The following NR3C1 variants were observed in gnomAD, a reference collection of about 807,000 sequenced individuals.
NR3C1 encodes the protein nuclear receptor subfamily 3 group C member 1.
Under a neutral mutation model 74.0 loss-of-function variants are expected in NR3C1, and 14 were observed. The observed-to-expected ratio is 0.19, with a 90% CI of 0.12 to 0.30. The LOEUF (loss-of-function observed/expected upper bound fraction) is 0.30, where lower values mean the gene tolerates loss of function less well. Among genes scored for constraint, NR3C1 ranks in the 10% least tolerant of loss-of-function variants. The probability of loss-of-function intolerance (pLI) is 1.00; values close to 1 mark genes in which losing one functional copy is unlikely to be tolerated. For synonymous variants in NR3C1, 308 were observed against 332.5 expected, an observed-to-expected ratio of 0.93 and a Z score of 0.80; for missense variants, 695 against 909.8, an observed-to-expected ratio of 0.76 and a Z score of 3.04.
In NR3C1 at chr5:143,403,637, C is replaced by G; in HGVS notation, c.-440G>C. On this transcript the variant is annotated 5_prime_UTR_variant, in exon 1 of 9. Coordinates refer to ENST00000394464, the MANE Select transcript of NR3C1 (RefSeq NM_000176.3). The stretch of plus-strand genomic sequence containing the variant: ...AGAGCGCGGACACGCGAAAGGGCAG[C>G]CCGGCCTGGGCGAGCGAGCGGGACC... 1.0e-6 allele frequency: 1 copy of G among 986,084 alleles called. No individual in the cohort carries two copies. The highest frequency in any genetic ancestry group is 4.7e-5 in the South Asian group (1 of 21,296). 61.1% of individuals were successfully genotyped at this position (986,084 alleles called of 1,614,324 possible). A position where few individuals can be genotyped will look rare whatever the true frequency, so the allele number is the denominator to read the frequency against.
In NR3C1 at chr5:143,301,161, GA is replaced by G. The variant is rs1018914832; in HGVS notation, c.1469-399del. On this transcript the variant is annotated intron_variant, in intron 4 of 8. Coordinates refer to ENST00000394464, the MANE Select transcript of NR3C1 (RefSeq NM_000176.3). ...AGGCAAATTACTCTTACTATAAACT[GA>G]AAAAAAAATCTAAGCTTGGAGTAAC... 4.4e-3 allele frequency among the ~76,000 whole-genome samples: 651 copies of G among 149,642 alleles called. 2 individuals are homozygous for G. The highest frequency in any genetic ancestry group is 0.015 in the African/African-American group (621 of 40,908).
rs1460949856 is a variant in NR3C1 at position 143,314,077 on chromosome 5, C to G, written c.1276G>C (p.Asp426His). 1 of 1,613,798 alleles carries G rather than the reference C, an allele frequency of 6.2e-7. No homozygotes were observed. Among genetic ancestry groups the G allele is most frequent in the South Asian group, 1.1e-5 (1 of 91,070 alleles). ...CCATAATGACATCCTGAAGCTTCAT[C>G]AGAGCACACCAGGCAGAGTTTGGGA... ...PPPKLCLVCS[D>H]EASGCHYGVL... Residue 426 changes from aspartate to histidine, a missense_variant, in exon 3 of 9, where the codon GAT becomes CAT. By Grantham distance (81) the Asp-to-His change is moderately conservative. Around this residue, in one of 4 missense-constraint regions of NR3C1, gnomAD observed 23 missense variants for 83.1 expected, o/e 0.28. Transcript: ENST00000394464.
intron 2 of NR3C1, among the ~76,000 whole-genome samples, chr5:143,398,356 G>GTTTTTTTT (rs35241746): frequency 1.2e-3 from 106 of 85,326 alleles, no homozygotes; most frequent in African/African-American, 3.6e-3. Context: ...AGGTTTTTTG[G>GTTTTTTTT]TTTTTTTTTT....
rs1203073164 is a variant in NR3C1, at chr5:143,360,664, T to C, written c.1184+38992A>G. Among the ~76,000 whole-genome samples, 3 of 152,192 alleles carry C rather than the reference T, an allele frequency of 2.0e-5. No homozygotes were observed. The East Asian group carries it at 5.8e-4, about 29-fold the overall frequency. On this transcript the variant is annotated intron_variant, in intron 2 of 8. Coordinates refer to ENST00000394464, the MANE Select transcript of NR3C1 (RefSeq NM_000176.3). ...AATACAGGTCTTTAAACACCTAACC[T>C]TGATGCCACAAATAGTACTAGGCTT...
intron 1 of NR3C1, among the ~76,000 whole-genome samples, chr5:143,411,953 G>A (rs546202019): frequency 1.3e-5 from 2 of 152,148 alleles, no homozygotes; most frequent in African/African-American, 4.8e-5. Context: ...GGGGAGCTGG[G>A]GAGCTATGGT....
At chr5:143,349,449 T>C (rs1470415773) in intron 2 of NR3C1, among the ~76,000 whole-genome samples, 1 of 152,180 alleles carries the variant, frequency 6.6e-6, no homozygotes, top group Non-Finnish European at 1.5e-5. Context: ...CCCTTCTGTT[T>C]TGGAATCTGG....
At chr5:143,315,604 TTTTA>T (rs1472822189) in intron 2 of NR3C1, among the ~76,000 whole-genome samples, 2 of 152,194 alleles carry the variant, frequency 1.3e-5, no homozygotes, top group Non-Finnish European at 2.9e-5. Flanking sequence ...TATCTCTTGC[TTTTA>T]TTTATTTCAG....
At chr5:143,398,053 T>C (rs938408582) in intron 2 of NR3C1, among the ~76,000 whole-genome samples, 7 of 152,064 alleles carry the variant, frequency 4.6e-5, no homozygotes, top group African/African-American at 1.4e-4. Flanking sequence ...GTTTTATAAA[T>C]CAATTTAAGA....
intron 2 of NR3C1, among the ~76,000 whole-genome samples, chr5:143,333,734 C>T (rs553471396): frequency 1.3e-5 from 2 of 152,254 alleles, no homozygotes; most frequent in East Asian, 1.9e-4. Context: ...CGCCAGTGCA[C>T]TCCAGCTGGG....
At chr5:143,399,121 C>T (rs978449558) in intron 2 of NR3C1, among the ~76,000 whole-genome samples, 2 of 152,330 alleles carry the variant, frequency 1.3e-5, no homozygotes, top group South Asian at 4.1e-4. Context: ...AACTTCAAAA[C>T]TCAAATTCTT....
At position 143,430,300 on chromosome 5, in the gene NR3C1, T is replaced by A. The variant is rs144473794; in HGVS notation, c.-14+4232A>T. Among the ~76,000 whole-genome samples, 46 of 152,340 alleles carry A rather than the reference T, an allele frequency of 3.0e-4. No homozygotes were observed. The East Asian group carries it at 8.5e-3, about 28-fold the overall frequency. ...GTTTTCAAACTCTATTAATGTGTAC[T>A]GAATAACTTCACAGGAATTGTATTA... is the stretch of plus-strand genomic sequence containing the variant. On this transcript the variant is annotated intron_variant, in intron 1 of 8. Coordinates refer to the NR3C1 transcript ENST00000343796.
chr5:143,298,873 T>C (rs1193594436), intron 5 of NR3C1, 61 bp from the exon 6 acceptor site: 22 of 1,576,476 alleles, frequency 1.4e-5, no homozygotes, highest in African/African-American at 9.4e-5. Flanking sequence ...TCTGTGGGAA[T>C]TGCCAAGGAG....
At chr5:143,338,917 AT>A (rs534397435) in intron 2 of NR3C1, among the ~76,000 whole-genome samples, 279 of 152,108 alleles carry the variant, frequency 1.8e-3, no homozygotes, top group Non-Finnish European at 2.7e-3. Context: ...CAGGTGTACT[AT>A]TTTTTTCCTC....
intron 4 of NR3C1, among the ~76,000 whole-genome samples, chr5:143,304,457 T>A (rs2151575261): frequency 6.6e-6 from 1 of 152,258 alleles, no homozygotes; most frequent in Admixed American, 6.5e-5. Context: ...ACTGGTAGAA[T>A]CAGTATAGTT....
intron 1 of NR3C1, among the ~76,000 whole-genome samples, chr5:143,413,231 A>T (rs1461477524): frequency 6.6e-6 from 1 of 152,190 alleles, no homozygotes; most frequent in Non-Finnish European, 1.5e-5. Context: ...GTTTAAGGTT[A>T]GGAAAATGGG....
intron 2 of NR3C1, among the ~76,000 whole-genome samples, chr5:143,385,633 T>C (rs1385809387): frequency 1.3e-5 from 2 of 152,236 alleles, no homozygotes; most frequent in Non-Finnish European, 2.9e-5. Flanking sequence ...GGCAAAATGC[T>C]GTCAGTCTAT....
chr5:143,434,792 A>G (rs1339383375), exon 1 of NR3C1: 1 of 985,464 alleles, frequency 1.0e-6, no homozygotes, highest in Non-Finnish European at 1.2e-6. Flanking sequence ...CTGCTCTGAG[A>G]GCACCAGAAT....
chr5:143,370,100 T>C (rs1833984466), intron 2 of NR3C1, among the ~76,000 whole-genome samples: 1 of 152,228 alleles, frequency 6.6e-6, no homozygotes, highest in Non-Finnish European at 1.5e-5. Flanking sequence ...ATTATGATAC[T>C]GAAGCAGTTC....
rs150537087 is a variant in NR3C1, at chr5:143,300,067, T to C, written c.1747+418A>G. Among the ~76,000 whole-genome samples the C allele has an allele frequency of 1.1e-3, 163 of 152,370 alleles. 3 individuals are homozygous for C. In the East Asian group the frequency reaches 0.022, roughly 21 times the overall value. ...ATTTAGTGAAGGGTTAAAATCATTC[T>C]ACTTTAGTACAAATTTTGACAATCA... is the stretch of plus-strand genomic sequence containing the variant. On this transcript the variant is annotated intron_variant, in intron 5 of 8. Transcript: ENST00000394464. This position sits in a 1 kb window ranked among gnomAD's most constrained non-coding sequence, Gnocchi z 5.2.
Sources: gnomAD v4.1 joint callset for allele counts (sites outside exome capture counted in the v4.1 genomes callset) on GRCh38, gnomAD v4.1.1 for gene constraint, gnomAD v4.1.1 regional missense constraint, Gnocchi (gnomAD v3.1) non-coding constraint, MANE v1.5 for transcripts, NCBI Gene and HGNC (gene_info 2026-07-23, HGNC 2026-07-21) for gene names.